The following KAZN variants were observed in gnomAD, a reference collection of about 807,000 sequenced individuals.
KAZN encodes kazrin.
Under a neutral mutation model 87.4 loss-of-function variants are expected in KAZN, and 40 were observed. That is an observed-to-expected ratio of 0.46 (90% CI 0.36 to 0.60). The LOEUF is 0.60. Ranked by LOEUF, KAZN falls within the 20% of genes least tolerant of loss-of-function variation. The probability of loss-of-function intolerance (pLI) is 0.00; values close to 1 mark genes in which losing one functional copy is unlikely to be tolerated. For synonymous variants in KAZN, 466 were observed against 458.3 expected (o/e 1.02, Z -0.22); for missense variants, 898 against 1,073.9 (o/e 0.84, Z 2.29).
At chr1:15,067,381 C>T in intron 8 of KAZN, 1 of 985,452 alleles carries the variant, frequency 1.0e-6, no homozygotes, top group Non-Finnish European at 1.2e-6. Context: ...GTGGCGTTGG[C>T]CCCAAAGAGG....
At chr1:14,130,463 T>TTCCAC (rs1644968627) in intron 1 of KAZN, among the ~76,000 whole-genome samples, 1 of 152,252 alleles carries the variant, frequency 6.6e-6, no homozygotes. Flanking sequence ...TTCCTGCTGC[T>TTCCAC]TTATTCATTT....
At chr1:14,328,196 A>T (rs997957768) in intron 2 of KAZN, among the ~76,000 whole-genome samples, 39 of 152,324 alleles carry the variant, frequency 2.6e-4, no homozygotes, top group African/African-American at 9.1e-4. Flanking sequence ...TCCTTATCAG[A>T]ATGTTCCTTC....
intron 1 of KAZN, among the ~76,000 whole-genome samples, chr1:14,810,839 G>A (rs1161875699): frequency 5.9e-5 from 9 of 152,176 alleles, no homozygotes; most frequent in Non-Finnish European, 4.4e-5. Context: ...GGTGGGGACA[G>A]GCCAGGTCCA....
rs113552734 is a variant in KAZN, at chr1:14,176,055, T to C, written c.92-4380T>C. Among the ~76,000 whole-genome samples, 1,122 of 152,338 alleles carry C rather than the reference T, an allele frequency of 7.4e-3. 18 individuals are homozygous for C. The highest frequency in any genetic ancestry group is 0.025 in the African/African-American group (1,052 of 41,556). ...GCTAAAAAGTCAGGTGGTATTGTTTTTAACTTTGTATAATGGAACTCAATT... is the reference window on the plus strand; with the variant it reads ...GCTAAAAAGTCAGGTGGTATTGTTTCTAACTTTGTATAATGGAACTCAATT... On this transcript the variant is annotated intron_variant, in intron 1 of 16. Coordinates refer to the KAZN transcript ENST00000636203.
intron 4 of KAZN, among the ~76,000 whole-genome samples, chr1:15,055,639 G>A (rs1041958868): frequency 6.6e-5 from 10 of 152,312 alleles, no homozygotes; most frequent in Admixed American, 2.0e-4. Context: ...TCTTCTACTT[G>A]TTGTATGACC....
chr1:14,367,276 A>G (rs61774470), intron 2 of KAZN, among the ~76,000 whole-genome samples: 31,326 of 152,004 alleles, frequency 0.21, 3,758 homozygotes, highest in Middle Eastern at 0.32. Flanking sequence ...TGGAAGGGAG[A>G]TGGAGCGAGA....
rs113447163 is a variant in KAZN, at chr1:14,189,681, A to C, written c.249+9089A>C. On this transcript the variant is annotated intron_variant, in intron 2 of 16. Transcript: ENST00000636203. ...CATCAAAAGAAAAAGTAGACAAAGC[A>C]ATCACTTTTCCAGCCTCTGTTTGTA... 1.9e-3 allele frequency among the ~76,000 whole-genome samples: 292 copies of C among 152,286 alleles called. 1 individual carries two copies. The highest frequency in any genetic ancestry group is 3.8e-3 in the Non-Finnish European group (261 of 68,020).
At chr1:14,957,552 C>T (rs531866191) in intron 1 of KAZN, among the ~76,000 whole-genome samples, 26 of 152,368 alleles carry the variant, frequency 1.7e-4, no homozygotes, top group African/African-American at 6.0e-4. Context: ...TGAGCCTCCA[C>T]GTCACTACGG....
Position 15,094,100 on chromosome 1 carries a change from G to T in KAZN, c.1223-80G>T. ...GGGGAGGATGTCCCCACCACCCTCT[G>T]CCTCCCGGGGGTATGGCCTGCCCAG... On this transcript the variant is annotated intron_variant, in intron 8 of 14. Transcript: ENST00000376030. The surrounding 1 kb of genome is among the most constrained non-coding windows in gnomAD (Gnocchi z 4.5). The T allele has an allele frequency of 1.5e-6, 2 of 1,315,734 alleles. No homozygotes were observed. Among genetic ancestry groups the T allele is most frequent in the Non-Finnish European group, 2.1e-6 (2 of 941,232 alleles). 81.5% of individuals were successfully genotyped at this position (1,315,734 alleles called of 1,614,324 possible).
chr1:14,049,630 TCTTC>T (rs1642225820), intron 1 of KAZN, among the ~76,000 whole-genome samples: 1 of 152,160 alleles, frequency 6.6e-6, no homozygotes, highest in Non-Finnish European at 1.5e-5. Flanking sequence ...TCTCTCCCTC[TCTTC>T]CTTCCTTTTT....
intron 1 of KAZN, among the ~76,000 whole-genome samples, chr1:14,838,269 C>T (rs984876088): frequency 6.6e-6 from 1 of 152,218 alleles, no homozygotes; most frequent in Non-Finnish European, 1.5e-5. Flanking sequence ...CTAATCACTT[C>T]CTGAAGGCCC....
At chr1:14,233,463 G>A (rs1648063934) in intron 2 of KAZN, among the ~76,000 whole-genome samples, 1 of 152,142 alleles carries the variant, frequency 6.6e-6, no homozygotes, top group Non-Finnish European at 1.5e-5. Flanking sequence ...TTGATTGCTT[G>A]GAAGATTGAA....
chr1:14,677,957 T>C (rs780762309), intron 1 of KAZN, among the ~76,000 whole-genome samples: 3 of 152,160 alleles, frequency 2.0e-5, no homozygotes, highest in Non-Finnish European at 4.4e-5. Context: ...ATGGGCTGTT[T>C]GGGGGCCCTG....
intron 1 of KAZN, among the ~76,000 whole-genome samples, chr1:13,960,360 A>G (rs1641704470): frequency 6.6e-6 from 1 of 152,176 alleles, no homozygotes; most frequent in Non-Finnish European, 1.5e-5. Context: ...GGACAGCCCA[A>G]CTTTAGAGCC....
At chr1:14,418,823 TTG>T (rs772215066) in intron 2 of KAZN, among the ~76,000 whole-genome samples, 13 of 152,216 alleles carry the variant, frequency 8.5e-5, no homozygotes, top group Admixed American at 2.0e-4. Context: ...CCTCAGAGTC[TTG>T]TGAGTTTGGT....
chr1:14,646,945 C>T (rs998011579), intron 1 of KAZN, among the ~76,000 whole-genome samples: 1 of 152,214 alleles, frequency 6.6e-6, no homozygotes, highest in Non-Finnish European at 1.5e-5. Flanking sequence ...TGCAAAGGAG[C>T]TTCTGCTCCA....
chr1:14,295,651 C>G (rs1198209653), intron 2 of KAZN, among the ~76,000 whole-genome samples: 1 of 152,026 alleles, frequency 6.6e-6, no homozygotes, highest in African/African-American at 2.4e-5. Flanking sequence ...TGCAGAGAGA[C>G]CTAGGGAAAG....
intron 1 of KAZN, among the ~76,000 whole-genome samples, chr1:14,125,966 GGT>G (rs1437606353): frequency 1.5e-5 from 2 of 131,702 alleles, no homozygotes; most frequent in Non-Finnish European, 3.2e-5. Context: ...TGCGGGGTGG[GGT>G]GGGGGGTGGG....
At chr1:15,028,667 T>C (rs1222680882) in intron 2 of KAZN, among the ~76,000 whole-genome samples, 1 of 152,222 alleles carries the variant, frequency 6.6e-6, no homozygotes, top group Non-Finnish European at 1.5e-5. Flanking sequence ...ACAGAACTTG[T>C]GGCACCTTTG....
Sources: gnomAD v4.1 joint callset for allele counts (sites outside exome capture counted in the v4.1 genomes callset) on GRCh38, gnomAD v4.1.1 for gene constraint, Gnocchi (gnomAD v3.1) non-coding constraint, MANE v1.5 for transcripts, NCBI Gene and HGNC (gene_info 2026-07-23, HGNC 2026-07-21) for gene names.